The following NCOA3 variants were observed in gnomAD, a reference collection of about 807,000 sequenced individuals.
NCOA3 encodes the protein CBP-interacting protein.
NCOA3 carries 51 observed loss-of-function variants against 158.8 expected under a neutral mutation model. That is an observed-to-expected ratio of 0.32 (90% confidence interval 0.26 to 0.41). The LOEUF (loss-of-function observed/expected upper bound fraction) is 0.41, where lower values mean the gene tolerates loss of function less well. NCOA3 is among the 10% of genes least tolerant of loss of function. The pLI is 1.00. For synonymous variants in NCOA3, 537 were observed against 592.4 expected, an observed-to-expected ratio of 0.91 and a Z score of 1.36; for missense variants, 1,510 against 1,746.6, an observed-to-expected ratio of 0.86 and a Z score of 2.41.
intron 1 of NCOA3, among the ~76,000 whole-genome samples, chr20:47,553,172 G>T (rs1240320014): frequency 2.0e-5 from 3 of 151,948 alleles, no homozygotes; most frequent in Non-Finnish European, 4.4e-5. Flanking sequence ...TGGGCTTAAG[G>T]GATTTGCTCG....
chr20:47,565,221 C>A (rs989902375), intron 1 of NCOA3, among the ~76,000 whole-genome samples: 2 of 152,066 alleles, frequency 1.3e-5, no homozygotes. Flanking sequence ...CCTCAAGTCA[C>A]ACGCCTGCCT....
At chr20:47,645,809 A>G (rs1419977671) in intron 17 of NCOA3, among the ~76,000 whole-genome samples, 2 of 152,190 alleles carry the variant, frequency 1.3e-5, no homozygotes, top group Non-Finnish European at 2.9e-5. Context: ...TGATGGGACA[A>G]AATAGAAACA....
chr20:47,653,457 A>G lies in NCOA3; in HGVS notation c.*40A>G, dbSNP rs72646207. 3,473 of 1,601,274 alleles carry G rather than the reference A, an allele frequency of 2.2e-3. 65 individuals carry two copies. In the African/African-American group the frequency reaches 0.04, roughly 18 times the overall value. On this transcript the variant is annotated 3_prime_UTR_variant, in exon 23 of 23. Transcript: ENST00000371998. ...GACCTCTTAAGGAAACCACTGTACA[A>G]ATGACACTGCACTAGGATTATTGGG...
Position 47,653,668 on chromosome 20 carries a change from C to T in NCOA3, c.*251C>T, listed in dbSNP as rs2043092439. 6.0e-6 allele frequency: 3 copies of T among 497,578 alleles called. No homozygotes were observed. Among genetic ancestry groups the T allele is most frequent in the African/African-American group, 5.8e-5 (3 of 51,546 alleles). The allele number at this position is 497,578 out of a possible 1,614,324, so 30.8% of individuals were successfully genotyped here. On this transcript the variant is annotated 3_prime_UTR_variant, in exon 23 of 23. Transcript: ENST00000371998. Reference sequence around the variant, plus strand: ...CAAAACAGAAATGTTTTTTGGCATTCCACCTCCTAGGGATATAATTCTGGA... The same window carrying T: ...CAAAACAGAAATGTTTTTTGGCATTTCACCTCCTAGGGATATAATTCTGGA...
chr20:47,590,060 C>G (rs2085603566), intron 2 of NCOA3, among the ~76,000 whole-genome samples: 1 of 152,010 alleles, frequency 6.6e-6, no homozygotes. Context: ...ATTGGTTTCC[C>G]CAAGTGTTGG....
chr20:47,609,264 T>A (rs2086005932), intron 2 of NCOA3, among the ~76,000 whole-genome samples: 1 of 152,158 alleles, frequency 6.6e-6, no homozygotes. Context: ...GGATACTATT[T>A]CCTTTTTCTA....
rs748164217 is a variant in NCOA3, at chr20:47,627,032, C to A, written c.388C>A (p.Arg130=). 7 of 1,612,686 alleles carry A rather than the reference C, an allele frequency of 4.3e-6. No homozygotes were observed. The Admixed American group carries it at 1.0e-4, about 23-fold the overall frequency. ...GGATGGTTTCCTATTTGTGGTGAAT[C>A]GAGACGGAAACATTGTATTTGTATC... ...ALDGFLFVVN[R]DGNIVFVSEN... Residue 130 remains arginine, a synonymous_variant, in exon 6 of 23, where the codon CGA becomes AGA. Coordinates refer to ENST00000371998, the MANE Select transcript of NCOA3 (RefSeq NM_181659.3).
chr20:47,504,529 C>T (rs1189831623), intron 1 of NCOA3, among the ~76,000 whole-genome samples: 5 of 128,094 alleles, frequency 3.9e-5, no homozygotes, highest in African/African-American at 1.5e-4. Context: ...TTCTGCCGGG[C>T]TGCAGTGGCT....
intron 17 of NCOA3, among the ~76,000 whole-genome samples, chr20:47,644,391 A>C (rs920552227): frequency 6.6e-4 from 101 of 152,232 alleles, no homozygotes; most frequent in African/African-American, 2.2e-3. Context: ...CACCCACCTC[A>C]GCCTCCCAAA....
chr20:47,502,416 C>A (rs2083949354), intron 1 of NCOA3, among the ~76,000 whole-genome samples: 1 of 152,200 alleles, frequency 6.6e-6, no homozygotes, highest in Admixed American at 6.5e-5. Context: ...CCTCCTGCTG[C>A]CCCGGCTCCT....
chr20:47,615,398 G>T (rs1016946503), intron 2 of NCOA3, among the ~76,000 whole-genome samples: 2 of 152,118 alleles, frequency 1.3e-5, no homozygotes, highest in Admixed American at 1.3e-4. Flanking sequence ...AGTGTTGATT[G>T]ATATCTTTTC....
intron 1 of NCOA3, among the ~76,000 whole-genome samples, chr20:47,555,184 G>GTA (rs2084984025): frequency 6.6e-6 from 1 of 152,130 alleles, no homozygotes; most frequent in Admixed American, 6.5e-5. Flanking sequence ...ATGCCAGGTA[G>GTA]TATATATATG....
At chr20:47,542,683 C>T (rs539742838) in intron 1 of NCOA3, among the ~76,000 whole-genome samples, 90 of 152,232 alleles carry the variant, frequency 5.9e-4, no homozygotes, top group Non-Finnish European at 1.1e-3. Context: ...AAAAATTGGC[C>T]AGGCATGGTG....
At chr20:47,580,823 C>T (rs904103834) in intron 1 of NCOA3, among the ~76,000 whole-genome samples, 12 of 151,494 alleles carry the variant, frequency 7.9e-5, no homozygotes, top group African/African-American at 1.5e-4. Context: ...ACATTCGGTC[C>T]GGTATGGTGG....
chr20:47,623,850 A>G (rs2146300517), intron 3 of NCOA3, 61 bp from the exon 4 acceptor site: 2 of 1,490,062 alleles, frequency 1.3e-6, no homozygotes, highest in Middle Eastern at 2.3e-4. Flanking sequence ...TTCTGCTAAC[A>G]GCTCTTTTGT....
chr20:47,615,159 A>G (rs186674452), intron 2 of NCOA3, among the ~76,000 whole-genome samples: 90 of 152,266 alleles, frequency 5.9e-4, no homozygotes, highest in African/African-American at 2.1e-3. Context: ...AGTAATACAT[A>G]CTCTGGAGGG....
chr20:47,540,195 A>AC (rs1233898920), intron 1 of NCOA3, among the ~76,000 whole-genome samples: 1 of 152,152 alleles, frequency 6.6e-6, no homozygotes, highest in East Asian at 1.9e-4. Flanking sequence ...TGGCTTGAAG[A>AC]TAGTCAACTT....
chr20:47,522,492 G>T (rs2084358730), intron 1 of NCOA3, among the ~76,000 whole-genome samples: 1 of 149,596 alleles, frequency 6.7e-6, no homozygotes, highest in East Asian at 2.0e-4. Context: ...CCCCCATACA[G>T]AGACAGAAGG....
At chr20:47,628,065 G>A (rs759836978) in intron 8 of NCOA3, 42 bp downstream of exon 8, 3 of 1,435,164 alleles carry the variant, frequency 2.1e-6, no homozygotes, top group East Asian at 2.3e-5. Flanking sequence ...CTGTGTATAC[G>A]TACATTTTTA....
Sources: allele counts gnomAD v4.1 joint callset (sites outside exome capture counted in the v4.1 genomes callset), GRCh38; gene constraint gnomAD v4.1.1; transcripts MANE v1.5; gene names NCBI Gene and HGNC (gene_info 2026-07-23, HGNC 2026-07-21).